Variants in CACNB2 observed in about 807,000 individuals in gnomAD.
CACNB2 encodes voltage-dependent L-type calcium channel subunit beta-2.
A neutral mutation model predicts 73.3 loss-of-function variants in CACNB2; 42 were observed. The observed-to-expected ratio is 0.57, with a 90% CI of 0.45 to 0.74. CACNB2 has a LOEUF of 0.74. Ranked by LOEUF, CACNB2 falls within the 30% of genes least tolerant of loss-of-function variation. The probability of loss-of-function intolerance (pLI) is 0.00; values close to 1 mark genes in which losing one functional copy is unlikely to be tolerated. For synonymous variants in CACNB2, 348 were observed against 310.3 expected, an observed-to-expected ratio of 1.12 and a Z score of -1.28; for missense variants, 940 against 853.0, an observed-to-expected ratio of 1.10 and a Z score of -1.27.
chr10:18,301,449 G>T (rs561187634), intron 2 of CACNB2, among the ~76,000 whole-genome samples: 2 of 151,992 alleles, frequency 1.3e-5, no homozygotes, highest in South Asian at 4.2e-4. Context: ...ACAAAAATTA[G>T]CGGGACATGG....
At chr10:18,307,267 G>T (rs1017061451) in intron 2 of CACNB2, among the ~76,000 whole-genome samples, 1 of 152,154 alleles carries the variant, frequency 6.6e-6, no homozygotes, top group Non-Finnish European at 1.5e-5. Flanking sequence ...TTTGAGACCA[G>T]CCTAGTCAAC....
chr10:18,319,573 C>A (rs541498619), intron 2 of CACNB2, among the ~76,000 whole-genome samples: 1 of 151,842 alleles, frequency 6.6e-6, no homozygotes, highest in African/African-American at 2.4e-5. Flanking sequence ...ATGTAACAAA[C>A]GTGTACATTC....
At chr10:18,467,496 A>G (rs1284629271) in intron 3 of CACNB2, among the ~76,000 whole-genome samples, 1 of 152,240 alleles carries the variant, frequency 6.6e-6, no homozygotes, top group Non-Finnish European at 1.5e-5. Flanking sequence ...TTTACAGTCT[A>G]GTAAGACTAG....
intron 2 of CACNB2, among the ~76,000 whole-genome samples, chr10:18,285,642 A>G (rs2038754723): frequency 6.6e-6 from 1 of 152,234 alleles, no homozygotes; most frequent in African/African-American, 2.4e-5. Flanking sequence ...TAAGCTATCA[A>G]GTTCTGGGAG....
At chr10:18,276,483 G>A (rs759344135) in intron 2 of CACNB2, among the ~76,000 whole-genome samples, 2 of 152,210 alleles carry the variant, frequency 1.3e-5, no homozygotes, top group African/African-American at 4.8e-5. Flanking sequence ...TGGAGCAGGA[G>A]CTGAAAGATT....
intron 2 of CACNB2, among the ~76,000 whole-genome samples, chr10:18,361,624 T>G (rs1340146520): frequency 6.6e-6 from 1 of 151,266 alleles, no homozygotes; most frequent in African/African-American, 2.4e-5. Context: ...TTTTTTTTTT[T>G]TTTTTCGAAA....
At chr10:18,311,256 G>A (rs1016610896) in intron 2 of CACNB2, among the ~76,000 whole-genome samples, 2 of 151,950 alleles carry the variant, frequency 1.3e-5, no homozygotes, top group Non-Finnish European at 2.9e-5. Flanking sequence ...GTGAATGATT[G>A]ACTACTTTGG....
intron 2 of CACNB2, among the ~76,000 whole-genome samples, chr10:18,356,953 T>TC (rs1564464309): frequency 3.6e-5 from 4 of 112,464 alleles, no homozygotes; most frequent in Admixed American, 8.9e-5. Flanking sequence ...TTTTTTTTTT[T>TC]TTTTTTTTTG....
intron 3 of CACNB2, among the ~76,000 whole-genome samples, chr10:18,458,168 T>C (rs1442400489): frequency 1.3e-5 from 2 of 152,236 alleles, no homozygotes; most frequent in East Asian, 1.9e-4. Context: ...CATTTACGCT[T>C]GTTTGAAACT....
chr10:18,361,334 TAAAA>T (rs113930288), intron 2 of CACNB2, among the ~76,000 whole-genome samples: 7 of 136,498 alleles, frequency 5.1e-5, no homozygotes, highest in African/African-American at 1.1e-4. Flanking sequence ...TACAAAAAAT[TAAAA>T]AAAAAAAAAA....
chr10:18,431,272 T>C (rs1427000059), intron 3 of CACNB2, among the ~76,000 whole-genome samples: 1 of 152,156 alleles, frequency 6.6e-6, no homozygotes, highest in African/African-American at 2.4e-5. Context: ...TGAACCACCA[T>C]TCCTGGCCTG....
intron 3 of CACNB2, among the ~76,000 whole-genome samples, chr10:18,486,763 G>A (rs2049080627): frequency 6.6e-6 from 1 of 152,148 alleles, no homozygotes; most frequent in African/African-American, 2.4e-5. Flanking sequence ...GGAGAAGGTG[G>A]GAAATTTGGG....
chr10:18,264,788 G>A (rs924394109), intron 2 of CACNB2, among the ~76,000 whole-genome samples: 2 of 152,162 alleles, frequency 1.3e-5, no homozygotes, highest in African/African-American at 4.8e-5. Flanking sequence ...GGGCATTTGG[G>A]TAGTTTCCAG....
At chr10:18,334,574 G>A (rs1325465403) in intron 2 of CACNB2, among the ~76,000 whole-genome samples, 1 of 152,092 alleles carries the variant, frequency 6.6e-6, no homozygotes, top group Non-Finnish European at 1.5e-5. Context: ...CTCATTCTCA[G>A]CACTATGGAC....
intron 2 of CACNB2, among the ~76,000 whole-genome samples, chr10:18,257,967 C>T (rs146709187): frequency 0.021 from 3,263 of 152,280 alleles, 109 homozygotes; most frequent in African/African-American, 0.075. Flanking sequence ...TGGTCTCAAA[C>T]TTCTGACCTC....
intron 1 of CACNB2, among the ~76,000 whole-genome samples, chr10:18,149,051 TC>T (rs2031270233): frequency 6.6e-6 from 1 of 151,708 alleles, no homozygotes; most frequent in African/African-American, 2.4e-5. Flanking sequence ...GTCTTTGTTC[TC>T]AAAGATAATT....
chr10:18,414,310 C>G (rs551426074), intron 3 of CACNB2, among the ~76,000 whole-genome samples: 1 of 152,194 alleles, frequency 6.6e-6, no homozygotes, highest in Non-Finnish European at 1.5e-5. Flanking sequence ...CTCACAGGCT[C>G]TTTTCTGAGT....
intron 3 of CACNB2, among the ~76,000 whole-genome samples, chr10:18,432,006 G>A (rs949936028): frequency 6.6e-6 from 1 of 152,058 alleles, no homozygotes; most frequent in Non-Finnish European, 1.5e-5. Flanking sequence ...CTCGTGATCC[G>A]CCTGCCTTAG....
At chr10:18,456,862 T>C (rs1054793288) in intron 3 of CACNB2, among the ~76,000 whole-genome samples, 7 of 152,220 alleles carry the variant, frequency 4.6e-5, no homozygotes, top group Admixed American at 2.6e-4. Flanking sequence ...ACCGTATGCA[T>C]ATACCACAAT....
Sources: gnomAD v4.1 joint callset for allele counts (sites outside exome capture counted in the v4.1 genomes callset) on GRCh38, gnomAD v4.1.1 for gene constraint, MANE v1.5 for transcripts, NCBI Gene and HGNC (gene_info 2026-07-23, HGNC 2026-07-21) for gene names.